MELK: variants seen among roughly 807,000 people sequenced by gnomAD.
MELK encodes maternal embryonic leucine zipper kinase, also known as pEg3 kinase.
MELK carries 81 observed loss-of-function variants against 85.0 expected under a neutral mutation model. The observed-to-expected ratio is 0.95, with a 90% confidence interval of 0.80 to 1.15. The LOEUF is 1.15. MELK is among the 50% of genes most tolerant of loss of function. The pLI is 0.00. For synonymous variants in MELK, 252 were observed against 265.0 expected (o/e 0.95, Z 0.48); for missense variants, 754 against 777.5 (o/e 0.97, Z 0.36).
chr9:36,641,756 C>CCTGGTGGGATT (rs1829779723), intron 10 of MELK, among the ~76,000 whole-genome samples: 1 of 151,808 alleles, frequency 6.6e-6, no homozygotes, highest in African/African-American at 2.4e-5. Flanking sequence ...TACAGGCATG[C>CCTGGTGGGATT]ACCACCACGC....
chr9:36,592,582 G>C (rs1299614060), intron 4 of MELK, among the ~76,000 whole-genome samples: 3 of 151,962 alleles, frequency 2.0e-5, no homozygotes, highest in Non-Finnish European at 4.4e-5. Context: ...TGTGTGTGTA[G>C]CTTACACACA....
At chr9:36,674,801 T>G in intron 16 of MELK, 33 bp from the exon 17 acceptor site, 1 of 1,351,404 alleles carries the variant, frequency 7.4e-7, no homozygotes, top group Non-Finnish European at 1.1e-6. Flanking sequence ...GATGTAAAAA[T>G]TTACTTCTCA....
intron 1 of MELK, among the ~76,000 whole-genome samples, chr9:36,579,260 CAG>C (rs1821957734): frequency 6.6e-6 from 1 of 152,198 alleles, no homozygotes; most frequent in Non-Finnish European, 1.5e-5. Flanking sequence ...CTCCCGACCT[CAG>C]GTGATCTGCC....
At chr9:36,597,352 AT>A (rs1824403028) in intron 6 of MELK, 62 bp downstream of exon 6, 1 of 1,441,140 alleles carries the variant, frequency 6.9e-7, no homozygotes, top group Non-Finnish European at 9.7e-7. Context: ...TTAGTGTGTG[AT>A]TTTGTCCTGA....
rs59380521 is a variant in MELK, at chr9:36,641,602, A to ATT, written c.835-1375_835-1374dup. Among the ~76,000 whole-genome samples the ATT allele has an allele frequency of 3.7e-3, 472 of 126,720 alleles. 2 individuals carry two copies. The highest frequency in any genetic ancestry group is 7.5e-3 in the African/African-American group (257 of 34,380). The allele number at this position is 126,720 out of a possible 152,430, so 83.1% of individuals were successfully genotyped here. A position where few individuals can be genotyped will look rare whatever the true frequency, so the allele number is the denominator to read the frequency against. ...CTCACTCGGGCTGCCATAAAGAGAGATTTTTTTTTTTTTTTTTTTTTGGAG... is the reference window on the plus strand; with the variant it reads ...CTCACTCGGGCTGCCATAAAGAGAGATTTTTTTTTTTTTTTTTTTTTTTGGAG... On this transcript the variant is annotated intron_variant, in intron 10 of 17. Coordinates refer to ENST00000298048, the MANE Select transcript of MELK (RefSeq NM_014791.4).
rs1260699582 is a variant in MELK, at chr9:36,596,570, T to TG, written c.406-652_406-651insG. Among the ~76,000 whole-genome samples, 20 of 97,394 alleles carry TG rather than the reference T, an allele frequency of 2.1e-4. 3 individuals carry two copies. The highest frequency in any genetic ancestry group is 9.9e-4 in the South Asian group (3 of 3,034). 63.9% of individuals were successfully genotyped at this position (97,394 alleles called of 152,430 possible). On this transcript the variant is annotated intron_variant, in intron 5 of 17. Transcript: ENST00000298048. ...CTGCGCCCGGCCCTTTTTGTTTTTT[T>TG]TGTTTTTTTTGTTTTTTTTGTTTTT...
chr9:36,583,513 C>A, intron 2 of MELK, 114 bp from the exon 3 acceptor site: 1 of 542,902 alleles, frequency 1.8e-6, no homozygotes, highest in Non-Finnish European at 2.9e-6. Context: ...GAAAAAAAAG[C>A]CACAAACTTC....
chr9:36,590,140 T>C (rs1483474098), intron 4 of MELK, among the ~76,000 whole-genome samples: 1 of 152,074 alleles, frequency 6.6e-6, no homozygotes, highest in African/African-American at 2.4e-5. Flanking sequence ...CAGGATGGTC[T>C]CAATCTCCTG....
At chr9:36,617,674 T>C (rs755821816) in intron 8 of MELK, among the ~76,000 whole-genome samples, 19 of 152,232 alleles carry the variant, frequency 1.2e-4, no homozygotes, top group Non-Finnish European at 2.5e-4. Flanking sequence ...TTTTTTAAAA[T>C]ATCTGTGTTT....
Position 36,642,983 on chromosome 9 carries a change from A to G in MELK, c.835-14A>G. The G allele has an allele frequency of 6.4e-7, 1 of 1,568,528 alleles. No homozygotes were observed. Among genetic ancestry groups the G allele is most frequent in the Non-Finnish European group, 8.7e-7 (1 of 1,152,008 alleles). On this transcript the variant is annotated splice_polypyrimidine_tract_variant and intron_variant, in intron 10 of 17. Transcript: ENST00000298048. ...TAATTTTTTGTTAATAAAGTGCATA[A>G]TTTTTTTTTGTAGTTTATTCACCTC...
At chr9:36,612,439 G>T (rs991931068) in intron 8 of MELK, among the ~76,000 whole-genome samples, 2 of 152,142 alleles carry the variant, frequency 1.3e-5, no homozygotes, top group African/African-American at 2.4e-5. Flanking sequence ...AGGCTGGAGT[G>T]CAGTGGCGCC....
chr9:36,599,614 A>G (rs913774551), intron 7 of MELK, 128 bp downstream of exon 7: 2 of 597,124 alleles, frequency 3.3e-6, no homozygotes, highest in Non-Finnish European at 5.8e-6. Context: ...ATCAGAGTTC[A>G]GTCTATTTGG....
chr9:36,658,806 A>C (rs1457535369), intron 13 of MELK, among the ~76,000 whole-genome samples: 2 of 151,308 alleles, frequency 1.3e-5, no homozygotes, highest in Non-Finnish European at 2.9e-5. Flanking sequence ...GGTTCAAGCA[A>C]TTCTCCTGCC....
At chr9:36,573,268 A>C (rs944505592) in intron 1 of MELK, 5 of 152,146 alleles carry the variant, frequency 3.3e-5, no homozygotes, top group Admixed American at 2.0e-4. Context: ...AGCGTTTGCC[A>C]CCTAGGAGGC....
At position 36,594,655 on chromosome 9, in the gene MELK, T is replaced by C. The variant is rs1232092185; in HGVS notation, c.289T>C (p.Tyr97His). The change falls in exon 5 of 18, where the codon TAT becomes CAT. Residue 97 changes from tyrosine to histidine, a missense_variant. Tyr to His is a moderately conservative substitution (Grantham distance 83). Transcript: ENST00000298048. ...CTGCCCTGGAGGAGAGCTGTTTGAC[T>C]ATATAATTTCCCAGGATCGCCTGTC... ...EYCPGGELFD[Y>H]IISQDRLSEE... 6.2e-7 allele frequency: 1 copy of C among 1,614,092 alleles called. No individual in the cohort carries two copies. The highest frequency in any genetic ancestry group is 8.5e-7 in the Non-Finnish European group (1 of 1,180,000).
chr9:36,600,983 C>T (rs1420341026), intron 7 of MELK, among the ~76,000 whole-genome samples: 2 of 151,854 alleles, frequency 1.3e-5, no homozygotes, highest in Non-Finnish European at 2.9e-5. Flanking sequence ...TTACATTTTT[C>T]CTTATTTGCT....
At chr9:36,591,234 A>G (rs1202365798) in intron 4 of MELK, among the ~76,000 whole-genome samples, 1 of 149,446 alleles carries the variant, frequency 6.7e-6, no homozygotes, top group Non-Finnish European at 1.5e-5. Context: ...CCTCTTTGGT[A>G]ATTTTAAAAC....
intron 1 of MELK, among the ~76,000 whole-genome samples, chr9:36,578,391 C>G: frequency 6.6e-6 from 1 of 152,144 alleles, no homozygotes; most frequent in East Asian, 1.9e-4. Context: ...TTCCCTCTTT[C>G]TGGAATATTC....
chr9:36,584,848 G>T (rs897014937), intron 3 of MELK, among the ~76,000 whole-genome samples: 3 of 151,474 alleles, frequency 2.0e-5, no homozygotes, highest in Non-Finnish European at 2.9e-5. Context: ...CTCCTGAGTG[G>T]GTGTGACCAG....
Sources: gnomAD v4.1 joint callset for allele counts (sites outside exome capture counted in the v4.1 genomes callset) on GRCh38, gnomAD v4.1.1 for gene constraint, MANE v1.5 for transcripts, NCBI Gene and HGNC (gene_info 2026-07-23, HGNC 2026-07-21) for gene names.